Variants in ANGPT2 observed in about 807,000 individuals in gnomAD.
The protein encoded by ANGPT2 is angiopoietin-2.
ANGPT2 carries 28 observed loss-of-function variants against 62.9 expected under a neutral mutation model. The observed-to-expected ratio is 0.44, with a 90% CI of 0.33 to 0.61. ANGPT2 has a LOEUF of 0.61. Ranked by LOEUF, ANGPT2 falls within the 20% of genes least tolerant of loss-of-function variation. The pLI is 0.03. For missense variants in ANGPT2, 727 were observed against 594.9 expected, an observed-to-expected ratio of 1.22 and a Z score of -2.31; for synonymous variants, 284 against 207.8, an observed-to-expected ratio of 1.37 and a Z score of -3.15.
At chr8:6,505,258 T>TACATAGA (rs1563305213) in intron 8 of ANGPT2, among the ~76,000 whole-genome samples, 7 of 30,690 alleles carry the variant, frequency 2.3e-4, no homozygotes, top group East Asian at 1.2e-3. Context: ...TCTTTATATA[T>TACATAGA]GTTTTATATA....
chr8:6,524,793 T>C (rs1818020850), intron 3 of ANGPT2, among the ~76,000 whole-genome samples: 2 of 152,332 alleles, frequency 1.3e-5, no homozygotes, highest in Admixed American at 1.3e-4. Flanking sequence ...ATAGAAGTTA[T>C]CACAGGGAAT....
intron 7 of ANGPT2, among the ~76,000 whole-genome samples, chr8:6,510,255 C>T (rs1040146282): frequency 6.6e-6 from 1 of 151,614 alleles, no homozygotes; most frequent in Non-Finnish European, 1.5e-5. Flanking sequence ...CAGGCATTCA[C>T]GTAATGGGGT....
At chr8:6,520,019 A>T (rs1380386308) in intron 4 of ANGPT2, 28 bp from the exon 5 acceptor site, 2 of 1,610,536 alleles carry the variant, frequency 1.2e-6, no homozygotes, top group African/African-American at 1.3e-5. Context: ...TAAGGCATTT[A>T]AACGGAGTTC....
chr8:6,520,908 C>T (rs1037800958), intron 4 of ANGPT2, among the ~76,000 whole-genome samples: 1 of 152,148 alleles, frequency 6.6e-6, no homozygotes, highest in East Asian at 1.9e-4. Flanking sequence ...GTAATTTGCC[C>T]AGTCTCATCC....
chr8:6,558,996 C>T (rs999893183), intron 1 of ANGPT2, among the ~76,000 whole-genome samples: 2 of 152,006 alleles, frequency 1.3e-5, no homozygotes, highest in African/African-American at 4.8e-5. Flanking sequence ...TTCTACATTC[C>T]TTACTGCATT....
intron 8 of ANGPT2, 36 bp downstream of exon 8, chr8:6,508,896 G>C: frequency 6.2e-7 from 1 of 1,613,494 alleles, no homozygotes; most frequent in Non-Finnish European, 8.5e-7. Flanking sequence ...ATCATTCCTT[G>C]CCAATACAAA....
intron 8 of ANGPT2, chr8:6,507,865 G>C (rs1814099404): frequency 1.3e-5 from 2 of 152,056 alleles, no homozygotes; most frequent in Admixed American, 1.3e-4. Context: ...TTACAGGCGT[G>C]AGCCACCGGG....
chr8:6,513,163 A>G (rs577249511), intron 7 of ANGPT2, among the ~76,000 whole-genome samples: 147 of 152,338 alleles, frequency 9.6e-4, no homozygotes, highest in African/African-American at 3.5e-3. Flanking sequence ...CACAATGGAC[A>G]AAATACTGTT....
At position 6,502,312 on chromosome 8, in the gene ANGPT2, ATTTAATTACTAAAAATACCTT is replaced by A. The variant is rs1367853701; in HGVS notation, c.*768_*788del. On this transcript the variant is annotated 3_prime_UTR_variant, in exon 9 of 9. Transcript: ENST00000629816. ...ATAGGCATATCCCCTAATAAGTTATATTTAATTACTAAAAATACCTTCATATTTAACAATCAGGCAGAAAAA... is the reference window on the plus strand; with the variant it reads ...ATAGGCATATCCCCTAATAAGTTATACATATTTAACAATCAGGCAGAAAAA... The A allele has an allele frequency of 1.3e-5, 2 of 152,198 alleles. No homozygotes were observed. Among genetic ancestry groups the A allele is most frequent in the African/African-American group, 4.8e-5 (2 of 41,464 alleles). 9.4% of individuals were successfully genotyped at this position (152,198 alleles called of 1,614,324 possible).
chr8:6,519,843 A>C (rs778546365), intron 5 of ANGPT2, 21 bp downstream of exon 5: 3 of 1,612,546 alleles, frequency 1.9e-6, no homozygotes, highest in Non-Finnish European at 2.5e-6. Context: ...GGGAGTTAGT[A>C]AGGGGAGACG....
intron 1 of ANGPT2, among the ~76,000 whole-genome samples, chr8:6,550,026 G>A (rs1045941425): frequency 1.3e-5 from 2 of 152,236 alleles, no homozygotes; most frequent in Non-Finnish European, 2.9e-5. Context: ...CGGGGGACGT[G>A]CTGTGAATGG....
chr8:6,538,543 C>T (rs1167750197), intron 1 of ANGPT2, among the ~76,000 whole-genome samples: 3 of 152,186 alleles, frequency 2.0e-5, no homozygotes, highest in Admixed American at 6.5e-5. Context: ...CAGACCTGGG[C>T]GCGCACTGTC....
chr8:6,529,137 T>A (rs906495858), intron 2 of ANGPT2, among the ~76,000 whole-genome samples: 1 of 152,190 alleles, frequency 6.6e-6, no homozygotes, highest in African/African-American at 2.4e-5. Context: ...TGTAACCATT[T>A]TCACATCACT....
Position 6,505,462 on chromosome 8 carries a change from ATATTCTTTACATATAT to A in ANGPT2, c.1328-2217_1328-2202del, listed in dbSNP as rs1563307258. 1.0e-3 allele frequency among the ~76,000 whole-genome samples: 78 copies of A among 77,658 alleles called. 6 individuals are homozygous for A. Among genetic ancestry groups the A allele is most frequent in the African/African-American group, 3.2e-3 (77 of 24,122 alleles). 50.9% of individuals were successfully genotyped at this position (77,658 alleles called of 152,430 possible). A position where few individuals can be genotyped will look rare whatever the true frequency, so the allele number is the denominator to read the frequency against. On this transcript the variant is annotated intron_variant, in intron 8 of 8. Transcript: ENST00000629816. ...TTCTTTATATACATATAGAATATATATATTCTTTACATATATAGAATATATATATTCTTTATATATG... is the reference window on the plus strand; with the variant it reads ...TTCTTTATATACATATAGAATATATAAGAATATATATATTCTTTATATATG...
Position 6,503,243 on chromosome 8 carries a change from C to T in ANGPT2, c.1346G>A (p.Cys449Tyr). Residue 449 changes from cysteine to tyrosine, a missense_variant, in exon 9 of 9, where the codon TGT (cysteine) becomes TAT (tyrosine). Transcript: ENST00000629816. Reference protein sequence around the residue: ...MLTGGWWFDACGPSNLNGMYY... With the variant: ...MLTGGWWFDAYGPSNLNGMYY... The stretch of plus-strand genomic sequence containing the variant: ...CATTCCGTTCAAGTTGGAAGGACCA[C>T]ATGCATCAAACCACCAGCCTGTGAA... 6.2e-7 allele frequency: 1 copy of T among 1,614,168 alleles called. No homozygotes were observed. The highest frequency in any genetic ancestry group is 1.1e-5 in the South Asian group (1 of 91,070).
chr8:6,519,898 G>T lies in ANGPT2; in HGVS notation c.893C>A (p.Thr298Lys), dbSNP rs61733318. 3.1e-6 allele frequency: 5 copies of T among 1,614,074 alleles called. No individual in the cohort carries two copies. The South Asian group carries it at 4.4e-5, about 14-fold the overall frequency. The change falls in exon 5 of 9, where the codon ACG (threonine) becomes AAG (lysine). Residue 298 changes from threonine to lysine, a missense_variant. Transcript: ENST00000629816. The part of the protein sequence containing the change: ...KSGHTTNGIY[T>K]LTFPNSTEEI... Reference sequence around the variant, plus strand: ...TTCTGTAGAATTAGGGAATGTTAACGTGTAGATGCCATTCGTGGTGTGTCC... The same window carrying T: ...TTCTGTAGAATTAGGGAATGTTAACTTGTAGATGCCATTCGTGGTGTGTCC...
At chr8:6,515,795 G>C (rs754085339) in intron 5 of ANGPT2, among the ~76,000 whole-genome samples, 42 of 152,190 alleles carry the variant, frequency 2.8e-4, no homozygotes, top group Non-Finnish European at 4.0e-4. Flanking sequence ...GTCTTTTTGA[G>C]AATAATGGAG....
rs990036369 is a variant in ANGPT2, at chr8:6,515,205, T to C, written c.928-427A>G. ...CACAGCCTTGAAACCTTTCACTAAA[T>C]GCCAGCCCCTGCCCCTCCACAGAGA... On this transcript the variant is annotated intron_variant, in intron 5 of 8. Coordinates refer to ENST00000629816, the MANE Select transcript of ANGPT2 (RefSeq NM_001118887.2). Among the ~76,000 whole-genome samples the C allele has an allele frequency of 3.0e-5, 4 of 133,768 alleles. No homozygotes were observed. The East Asian group carries it at 6.1e-4, about 20-fold the overall frequency. The allele number at this position is 133,768 out of a possible 152,430, so 87.8% of individuals were successfully genotyped here.
chr8:6,539,189 G>A (rs979285997), intron 1 of ANGPT2, among the ~76,000 whole-genome samples: 2 of 152,188 alleles, frequency 1.3e-5, no homozygotes, highest in Admixed American at 6.5e-5. Context: ...GCCAGAGCCT[G>A]GGGGGTAGGC....
Sources: gnomAD v4.1 joint callset for allele counts (sites outside exome capture counted in the v4.1 genomes callset) on GRCh38, gnomAD v4.1.1 for gene constraint, MANE v1.5 for transcripts, NCBI Gene and HGNC (gene_info 2026-07-23, HGNC 2026-07-21) for gene names.